The following RELN variants were observed in gnomAD, a reference collection of about 807,000 sequenced individuals.
The protein encoded by RELN is reelin.
In RELN, 108 loss-of-function variants were observed where a neutral mutation model predicts 427.6. The observed-to-expected ratio is 0.25, with a 90% CI of 0.22 to 0.30. The LOEUF is 0.30. Among genes scored for constraint, RELN ranks in the 10% least tolerant of loss-of-function variants. The probability of loss-of-function intolerance (pLI) is 1.00; values close to 1 mark genes in which losing one functional copy is unlikely to be tolerated. For synonymous variants in RELN, 1,524 were observed against 1,513.4 expected (o/e 1.01, Z -0.16); for missense variants, 3,715 against 4,302.8 (o/e 0.86, Z 3.82).
chr7:103,495,963 G>A lies in RELN; in HGVS notation c.9194-65C>T, dbSNP rs2528874. 266 of 1,544,308 alleles carry A rather than the reference G, an allele frequency of 1.7e-4. No homozygotes were observed. In the African/African-American group the frequency reaches 3.3e-3, roughly 19 times the overall value. On this transcript the variant is annotated intron_variant, in intron 56 of 64. Coordinates refer to ENST00000428762, the MANE Select transcript of RELN (RefSeq NM_005045.4). ...CTTGAGGAAAATTGGAAGCAATATG[G>A]CATATTATTCTCTTGAACTGACCGA... is the stretch of plus-strand genomic sequence containing the variant.
chr7:103,743,239 A>C (rs1790718143), intron 6 of RELN, among the ~76,000 whole-genome samples: 2 of 152,172 alleles, frequency 1.3e-5, no homozygotes, highest in African/African-American at 4.8e-5. Context: ...ACCAGGCCTG[A>C]CCTAAAAGAG....
In RELN at chr7:103,525,352, T is replaced by C. The variant is rs114628520; in HGVS notation, c.7350-1821A>G. 3.9e-3 allele frequency among the ~76,000 whole-genome samples: 596 copies of C among 152,342 alleles called. 2 individuals carry two copies. The highest frequency in any genetic ancestry group is 0.014 in the African/African-American group (576 of 41,586). On this transcript the variant is annotated intron_variant, in intron 46 of 64. Transcript: ENST00000428762. ...TACATATTTGATACATGTCTGTCTCTTCCTTGAATGGTAAGTTATAAGGAG... is the reference window on the plus strand; with the variant it reads ...TACATATTTGATACATGTCTGTCTCCTCCTTGAATGGTAAGTTATAAGGAG...
chr7:103,714,333 AC>A (rs1299762200), intron 8 of RELN, among the ~76,000 whole-genome samples: 1 of 152,212 alleles, frequency 6.6e-6, no homozygotes. Flanking sequence ...ACCTTACTGT[AC>A]ATCATATATC....
At chr7:103,847,670 T>C (rs1005323013) in intron 2 of RELN, among the ~76,000 whole-genome samples, 1 of 152,118 alleles carries the variant, frequency 6.6e-6, no homozygotes, top group Non-Finnish European at 1.5e-5. Context: ...ATATTGGAGG[T>C]AGCTTTTAGG....
At chr7:103,639,398 C>T (rs1194537817) in intron 17 of RELN, among the ~76,000 whole-genome samples, 3 of 149,990 alleles carry the variant, frequency 2.0e-5, no homozygotes, top group African/African-American at 7.3e-5. Context: ...TTTTCTTTTT[C>T]TCTCTTTTTT....
chr7:103,694,904 A>G (rs1833946144), intron 10 of RELN, among the ~76,000 whole-genome samples: 1 of 151,474 alleles, frequency 6.6e-6, no homozygotes, highest in South Asian at 2.1e-4. Context: ...GCCTCAAGTG[A>G]TCCTCCCACT....
intron 1 of RELN, among the ~76,000 whole-genome samples, chr7:103,942,359 T>C (rs1284919880): frequency 6.6e-6 from 1 of 152,220 alleles, no homozygotes; most frequent in Non-Finnish European, 1.5e-5. Context: ...TTGAATATTT[T>C]AGGGTACATA....
chr7:103,841,612 A>AC (rs1356731783), intron 2 of RELN, among the ~76,000 whole-genome samples: 4 of 151,942 alleles, frequency 2.6e-5, no homozygotes, highest in Admixed American at 6.6e-5. Flanking sequence ...CCTTGTGTGA[A>AC]CCCCGTTTTC....
chr7:103,543,440 G>C (rs1399663389), intron 42 of RELN, among the ~76,000 whole-genome samples: 1 of 152,160 alleles, frequency 6.6e-6, no homozygotes, highest in African/African-American at 2.4e-5. Flanking sequence ...GAGGTCAGGA[G>C]TTCGAGACCA....
chr7:103,986,937 T>C lies in RELN; in HGVS notation c.226+2194A>G, dbSNP rs1738744895. Among the ~76,000 whole-genome samples, 19 of 10,466 alleles carry C rather than the reference T, an allele frequency of 1.8e-3. No individual in the cohort carries two copies. The South Asian group carries it at 0.041, about 22-fold the overall frequency. The allele number at this position is 10,466 out of a possible 152,430, so 6.9% of individuals were successfully genotyped here. On this transcript the variant is annotated intron_variant, in intron 1 of 64. Transcript: ENST00000428762. ...GTTCAATTCTAACAGAAGCTGTGTG[T>C]GTGTGTGTGTGTGTGTGTGTGTGTG...
chr7:103,908,637 T>G (rs1795271891), intron 2 of RELN, among the ~76,000 whole-genome samples: 1 of 152,214 alleles, frequency 6.6e-6, no homozygotes, highest in Non-Finnish European at 1.5e-5. Context: ...AATAGCTGTA[T>G]ATTTGTCATG....
chr7:103,725,688 C>T (rs977093804), intron 7 of RELN, among the ~76,000 whole-genome samples: 8 of 151,914 alleles, frequency 5.3e-5, no homozygotes, highest in Middle Eastern at 3.2e-3. Flanking sequence ...AAATGAATTC[C>T]TTTTTACCTT....
chr7:103,952,612 T>G (rs749620656), intron 1 of RELN, among the ~76,000 whole-genome samples: 5 of 152,122 alleles, frequency 3.3e-5, no homozygotes, highest in Non-Finnish European at 7.3e-5. Flanking sequence ...CTCTGGGGTA[T>G]TGAAATGTGT....
intron 49 of RELN, among the ~76,000 whole-genome samples, chr7:103,517,009 A>G (rs1183971631): frequency 6.6e-6 from 1 of 152,156 alleles, no homozygotes; most frequent in Non-Finnish European, 1.5e-5. Context: ...TGATAGCTTA[A>G]TGGATCTTAG....
At chr7:103,764,665 A>C (rs1791384338) in intron 4 of RELN, among the ~76,000 whole-genome samples, 1 of 151,610 alleles carries the variant, frequency 6.6e-6, no homozygotes, top group African/African-American at 2.4e-5. Context: ...GTGAAACCCC[A>C]TCTCTACTAA....
intron 2 of RELN, among the ~76,000 whole-genome samples, chr7:103,867,593 A>G (rs557695075): frequency 6.6e-6 from 1 of 152,212 alleles, no homozygotes; most frequent in South Asian, 2.1e-4. Flanking sequence ...AAGAAAAATC[A>G]GTATTCTTTC....
At chr7:103,587,630 C>A (rs1185406276) in intron 28 of RELN, among the ~76,000 whole-genome samples, 1 of 151,928 alleles carries the variant, frequency 6.6e-6, no homozygotes, top group African/African-American at 2.4e-5. Flanking sequence ...TTTCATCCAA[C>A]AAGGGACCAA....
chr7:103,728,480 A>T (rs1425506153), intron 6 of RELN, among the ~76,000 whole-genome samples: 1 of 152,164 alleles, frequency 6.6e-6, no homozygotes, highest in Non-Finnish European at 1.5e-5. Context: ...GAGGCTAACC[A>T]TACTGATCTA....
At chr7:103,929,009 G>A (rs1477477668) in intron 1 of RELN, among the ~76,000 whole-genome samples, 1 of 152,196 alleles carries the variant, frequency 6.6e-6, no homozygotes, top group Non-Finnish European at 1.5e-5. Flanking sequence ...AATAACTGGA[G>A]GTGAAGAGAT....
Sources: allele counts gnomAD v4.1 joint callset (sites outside exome capture counted in the v4.1 genomes callset), GRCh38; gene constraint gnomAD v4.1.1; transcripts MANE v1.5; gene names NCBI Gene and HGNC (gene_info 2026-07-23, HGNC 2026-07-21).